Variants in SEMA6D observed in about 807,000 individuals in gnomAD.
The protein encoded by SEMA6D is semaphorin-6D.
SEMA6D carries 35 observed loss-of-function variants against 106.6 expected under a neutral mutation model. That is an observed-to-expected ratio of 0.33 (90% CI 0.25 to 0.44). The LOEUF is 0.44. Among genes scored for constraint, SEMA6D ranks in the 20% least tolerant of loss-of-function variants. The pLI, the probability that SEMA6D is intolerant of heterozygous loss-of-function variation, is 1.00. For synonymous variants in SEMA6D, 499 were observed against 487.7 expected, an observed-to-expected ratio of 1.02 and a Z score of -0.31; for missense variants, 1,185 against 1,345.9, an observed-to-expected ratio of 0.88 and a Z score of 1.87.
At chr15:47,750,957 AC>A (rs1402537377) in intron 1 of SEMA6D, among the ~76,000 whole-genome samples, 1 of 152,194 alleles carries the variant, frequency 6.6e-6, no homozygotes, top group African/African-American at 2.4e-5. Context: ...GCCAAGAGTT[AC>A]TTGGTGAGCC....
At chr15:47,519,274 A>G (rs933383720) in intron 3 of SEMA6D, among the ~76,000 whole-genome samples, 1 of 152,220 alleles carries the variant, frequency 6.6e-6, no homozygotes, top group Admixed American at 6.5e-5. Flanking sequence ...GCTTGTTTAC[A>G]CTGGCATCAC....
intron 2 of SEMA6D, among the ~76,000 whole-genome samples, chr15:47,426,492 A>G (rs1273507528): frequency 6.6e-6 from 1 of 152,082 alleles, no homozygotes; most frequent in African/African-American, 2.4e-5. Context: ...ATTGTGGGGT[A>G]CGTGAGGATG....
chr15:47,345,825 G>A (rs1465083286), intron 1 of SEMA6D, among the ~76,000 whole-genome samples: 1 of 152,132 alleles, frequency 6.6e-6, no homozygotes, highest in Non-Finnish European at 1.5e-5. Context: ...GGTTACCTGA[G>A]GATGGACAAG....
At chr15:47,279,738 G>C (rs1308863194) in intron 1 of SEMA6D, among the ~76,000 whole-genome samples, 13 of 152,038 alleles carry the variant, frequency 8.6e-5, no homozygotes, top group South Asian at 8.3e-4. Flanking sequence ...TAGCATGAAG[G>C]GTTGTTGAAT....
chr15:47,252,787 C>T (rs1169127097), intron 1 of SEMA6D, among the ~76,000 whole-genome samples: 3 of 152,104 alleles, frequency 2.0e-5, no homozygotes, highest in African/African-American at 7.2e-5. Context: ...TTTCTTTATC[C>T]ATTCATTCAT....
At chr15:47,739,299 C>G (rs2080648259) in intron 1 of SEMA6D, among the ~76,000 whole-genome samples, 1 of 152,158 alleles carries the variant, frequency 6.6e-6, no homozygotes, top group Non-Finnish European at 1.5e-5. Context: ...ATTATAGCAC[C>G]AACCTCCACC....
chr15:47,249,537 G>A (rs2033393988), intron 1 of SEMA6D, among the ~76,000 whole-genome samples: 1 of 151,528 alleles, frequency 6.6e-6, no homozygotes, highest in Admixed American at 6.6e-5. Flanking sequence ...GGAATGTCCT[G>A]GGTTCTAGGG....
intron 3 of SEMA6D, among the ~76,000 whole-genome samples, chr15:47,508,449 G>A (rs1260156127): frequency 6.6e-6 from 1 of 152,162 alleles, no homozygotes; most frequent in Non-Finnish European, 1.5e-5. Context: ...TGGCCCCATG[G>A]AGTGGCGGAT....
intron 1 of SEMA6D, among the ~76,000 whole-genome samples, chr15:47,282,078 T>C (rs187470462): frequency 6.6e-6 from 1 of 152,288 alleles, no homozygotes; most frequent in South Asian, 2.1e-4. Flanking sequence ...GTGATAATAA[T>C]GTGCTTAGTA....
intron 1 of SEMA6D, among the ~76,000 whole-genome samples, chr15:47,195,000 T>C (rs1399873382): frequency 6.6e-6 from 1 of 152,188 alleles, no homozygotes; most frequent in Non-Finnish European, 1.5e-5. Context: ...ACCTGCCTAC[T>C]AAGTTTTCCA....
In SEMA6D at chr15:47,184,925, G is replaced by T. The variant is rs556354621; in HGVS notation, c.-239+507G>T. ...GCATCTAATTGGTGGGTGCTGGGAG[G>T]CAGGGCTGGTTGGGTGAGCACGAGT... On this transcript the variant is annotated intron_variant, in intron 1 of 19. Transcript: ENST00000558014. 8.3e-4 allele frequency among the ~76,000 whole-genome samples: 126 copies of T among 152,326 alleles called. 1 individual carries two copies. Among genetic ancestry groups the T allele is most frequent in the African/African-American group, 3.0e-3 (123 of 41,580 alleles).
intron 3 of SEMA6D, among the ~76,000 whole-genome samples, chr15:47,557,663 G>A (rs576115011): frequency 2.4e-4 from 37 of 152,270 alleles, no homozygotes; most frequent in Middle Eastern, 3.4e-3. Flanking sequence ...CACAGAGAGT[G>A]TATTTGCTGG....
At position 47,560,252 on chromosome 15, in the gene SEMA6D, A is replaced by G. The variant is rs540377451; in HGVS notation, c.-86-40613A>G. 7.2e-5 allele frequency among the ~76,000 whole-genome samples: 11 copies of G among 152,196 alleles called. No homozygotes were observed. In the East Asian group the frequency reaches 2.1e-3, roughly 29 times the overall value. On this transcript the variant is annotated intron_variant, in intron 3 of 19. Coordinates refer to the SEMA6D transcript ENST00000558014. Reference sequence around the variant, plus strand: ...AAATAAAAACTGGATTTGGCAGAAAAGACTTCAAAGCAGCTTTTATTAATA... The same window carrying G: ...AAATAAAAACTGGATTTGGCAGAAAGGACTTCAAAGCAGCTTTTATTAATA...
intron 2 of SEMA6D, among the ~76,000 whole-genome samples, chr15:47,421,573 C>T (rs1183961125): frequency 2.0e-5 from 3 of 152,066 alleles, no homozygotes; most frequent in Non-Finnish European, 4.4e-5. Context: ...GCATCTGCAA[C>T]TGTTCATTCC....
intron 2 of SEMA6D, among the ~76,000 whole-genome samples, chr15:47,438,029 A>T (rs1421997240): frequency 6.6e-6 from 1 of 152,056 alleles, no homozygotes. Context: ...TGGTTGTGTG[A>T]CTGAATTGTT....
intron 3 of SEMA6D, among the ~76,000 whole-genome samples, chr15:47,478,149 GGTAA>G (rs144987222): frequency 0.027 from 4,056 of 152,182 alleles, 178 homozygotes; most frequent in African/African-American, 0.093. Context: ...AGGGAATGCT[GGTAA>G]GTGTCAGAAG....
chr15:47,290,615 A>G (rs968078557), intron 1 of SEMA6D, among the ~76,000 whole-genome samples: 1 of 73,296 alleles, frequency 1.4e-5, no homozygotes, highest in Non-Finnish European at 2.6e-5. Flanking sequence ...CATCAATTTA[A>G]TTATATATAT....
At chr15:47,615,699 T>C (rs2144029743) in intron 4 of SEMA6D, among the ~76,000 whole-genome samples, 1 of 152,274 alleles carries the variant, frequency 6.6e-6, no homozygotes, top group East Asian at 1.9e-4. Context: ...TCCAAATGAG[T>C]ATAATAAAAG....
chr15:47,239,496 A>G (rs950484631), intron 1 of SEMA6D, among the ~76,000 whole-genome samples: 6 of 152,212 alleles, frequency 3.9e-5, no homozygotes, highest in Non-Finnish European at 1.5e-5. Context: ...AACTGCTTTA[A>G]TAGAAATCCT....
Sources: allele counts gnomAD v4.1 joint callset (sites outside exome capture counted in the v4.1 genomes callset), GRCh38; gene constraint gnomAD v4.1.1; transcripts MANE v1.5; gene names NCBI Gene and HGNC (gene_info 2026-07-23, HGNC 2026-07-21).